DDX60L: variants seen among roughly 807,000 people sequenced by gnomAD.
DDX60L encodes probable ATP-dependent RNA helicase DDX60-like.
DDX60L carries 191 observed loss-of-function variants against 211.6 expected under a neutral mutation model. The ratio of observed to expected loss-of-function variants is 0.90; its 90% CI spans 0.80 to 1.02. The LOEUF is 1.02. DDX60L is among the 50% of genes least tolerant of loss of function. The pLI is 0.00. For missense variants in DDX60L, 2,007 were observed against 1,984.1 expected (o/e 1.01, Z -0.22); for synonymous variants, 706 against 694.1 (o/e 1.02, Z -0.27).
chr4:168,441,658 G>T (rs1350999388), intron 9 of DDX60L, among the ~76,000 whole-genome samples, 166 bp from the exon 10 acceptor site: 2 of 152,066 alleles, frequency 1.3e-5, no homozygotes, highest in African/African-American at 4.8e-5. Flanking sequence ...ATGACACTAT[G>T]ACAGTACTTT....
At position 168,457,886 on chromosome 4, in the gene DDX60L, T is replaced by C. The variant is rs1315707801; in HGVS notation, c.723+6A>G. On this transcript the variant is annotated splice_donor_region_variant and intron_variant, in intron 6 of 37. Coordinates refer to ENST00000682922, the MANE Select transcript of DDX60L (RefSeq NM_001012967.3). ...CTTTTATTTAAAGAAATAAAAATTT[T>C]AATACCTCTTCCATCATATCATTCC... 3.4e-6 allele frequency: 5 copies of C among 1,471,498 alleles called. No individual in the cohort carries two copies. In the African/African-American group the frequency reaches 7.1e-5, roughly 21 times the overall value. 91.2% of individuals were successfully genotyped at this position (1,471,498 alleles called of 1,614,324 possible).
At chr4:168,420,463 TACACACAC>T (rs10598232) in intron 17 of DDX60L, 83 bp from the exon 18 acceptor site, 34,884 of 449,758 alleles carry the variant, frequency 0.078, 337 homozygotes, top group East Asian at 0.098. Context: ...TCCATACACA[TACACACAC>T]ACACACACAC....
chr4:168,371,633 G>C lies in DDX60L; in HGVS notation c.4907C>G (p.Thr1636Arg). 1 of 1,564,256 alleles carries C rather than the reference G, an allele frequency of 6.4e-7. No homozygotes were observed. The change falls in exon 36 of 38, where the codon ACA (threonine) becomes AGA (arginine). Residue 1636 changes from threonine (T) to arginine (R), a missense_variant. Physicochemically the swap from Thr to Arg is moderately conservative, Grantham distance 71 (BLOSUM62 -1). Transcript: ENST00000682922. ...TTACCCATTTTTTTGGTCTAATCTT[G>C]TCAAGCAGTTGTGTTTATAGAAATT... ...VLNFYKHNCL[T>R]RLDQKNGMRM...
intron 24 of DDX60L, among the ~76,000 whole-genome samples, chr4:168,405,062 A>T (rs1272584364): frequency 1.3e-5 from 2 of 151,490 alleles, no homozygotes; most frequent in South Asian, 2.1e-4. Flanking sequence ...AGACTGGAGT[A>T]CAGTGGCATG....
chr4:168,452,485 G>A (rs1183762088), intron 8 of DDX60L, among the ~76,000 whole-genome samples: 1 of 152,180 alleles, frequency 6.6e-6, no homozygotes, highest in Non-Finnish European at 1.5e-5. Flanking sequence ...TCTCCATGAT[G>A]TGATTATTAG....
intron 13 of DDX60L, among the ~76,000 whole-genome samples, chr4:168,427,723 C>T (rs1198190237): frequency 6.6e-6 from 1 of 152,156 alleles, no homozygotes; most frequent in African/African-American, 2.4e-5. Flanking sequence ...AGATCCCACT[C>T]GCTCTTTGGA....
chr4:168,479,070 A>G (rs774011688), intron 1 of DDX60L, among the ~76,000 whole-genome samples: 19 of 152,208 alleles, frequency 1.2e-4, no homozygotes, highest in Admixed American at 8.5e-4. Flanking sequence ...GTATGGATCT[A>G]GAGATAGACA....
rs1453883972 is a variant in DDX60L at position 168,400,997 on chromosome 4, A to G, written c.3339-19T>C. 1 of 1,604,290 alleles carries G rather than the reference A, an allele frequency of 6.2e-7. No individual in the cohort carries two copies. Among genetic ancestry groups the G allele is most frequent in the Admixed American group, 1.7e-5 (1 of 57,976 alleles). On this transcript the variant is annotated intron_variant, in intron 25 of 37. Transcript: ENST00000682922. ...CTTAAACCTTAAAACAAATGAAAACAGTGCTTTGAAAAGACTATGTTTCTA... is the reference window on the plus strand; with the variant it reads ...CTTAAACCTTAAAACAAATGAAAACGGTGCTTTGAAAAGACTATGTTTCTA...
rs1280010317 is a variant in DDX60L at position 168,427,298 on chromosome 4, T to G, written c.1702A>C (p.Lys568Gln). 2 of 1,613,376 alleles carry G rather than the reference T, an allele frequency of 1.2e-6. No homozygotes were observed. The highest frequency in any genetic ancestry group is 1.7e-6 in the Non-Finnish European group (2 of 1,179,766). Residue 568 changes from lysine to glutamine, a missense_variant, in exon 14 of 38, where the codon AAA becomes CAA. Transcript: ENST00000682922. ...AGAAATGACTTTTTCTTACTCTTTT[T>G]GGTAATTTGGTGGGGTTTGGTATTC... ...LQNTKPHQIT[K>Q]KSKKKSFLKE... is the part of the protein sequence containing the mutation.
At chr4:168,459,818 G>GGAAGGAA (rs1561120032) in intron 5 of DDX60L, among the ~76,000 whole-genome samples, 142 of 12,692 alleles carry the variant, frequency 0.011, 1 homozygote, top group African/African-American at 0.022. Context: ...GAAGGAAGGA[G>GGAAGGAA]GGAAGGGAGG....
At chr4:168,371,357 T>C (rs1740976971) in intron 36 of DDX60L, among the ~76,000 whole-genome samples, 1 of 149,370 alleles carries the variant, frequency 6.7e-6, no homozygotes, top group African/African-American at 2.5e-5. Flanking sequence ...TCCCAAATAA[T>C]ACTGGAGTTT....
In DDX60L at chr4:168,373,683, G is replaced by A; in HGVS notation, c.4759C>T (p.Pro1587Ser). 6.2e-7 allele frequency: 1 copy of A among 1,613,706 alleles called. No individual in the cohort carries two copies. Among genetic ancestry groups the A allele is most frequent in the Non-Finnish European group, 8.5e-7 (1 of 1,179,740 alleles). Reference protein sequence around the residue: ...SGNTDNDLLRPETINQVILRT... With the variant: ...SGNTDNDLLRSETINQVILRT... The stretch of plus-strand genomic sequence containing the variant: ...TCACTTACCTGGTTGATAGTCTCTG[G>A]TCGAAGCAAATCATTATCTGTGTTC... Residue 1587 changes from proline to serine, a missense_variant, in exon 35 of 38, where the codon CCA becomes TCA. Coordinates refer to ENST00000682922, the MANE Select transcript of DDX60L (RefSeq NM_001012967.3).
intron 14 of DDX60L, among the ~76,000 whole-genome samples, chr4:168,424,921 A>G (rs1039892777): frequency 5.9e-5 from 9 of 152,304 alleles, no homozygotes; most frequent in African/African-American, 2.2e-4. Context: ...AAATTGGTGG[A>G]ATTTCTGGGA....
chr4:168,434,852 C>T (rs1752828756), intron 10 of DDX60L, among the ~76,000 whole-genome samples: 1 of 152,170 alleles, frequency 6.6e-6, no homozygotes. Flanking sequence ...AACTTAAGCC[C>T]TGTTACAGAC....
intron 10 of DDX60L, among the ~76,000 whole-genome samples, chr4:168,439,942 A>T (rs1307300687): frequency 6.6e-6 from 1 of 152,208 alleles, no homozygotes; most frequent in Non-Finnish European, 1.5e-5. Context: ...AACAGGCAAA[A>T]CTCAGCAGGC....
intron 24 of DDX60L, 86 bp downstream of exon 24, chr4:168,405,854 TAAAAAGATTA>T (rs2149795458): frequency 7.5e-7 from 1 of 1,337,250 alleles, no homozygotes; most frequent in East Asian, 2.7e-5. Context: ...AAAATCGGAA[TAAAAAGATTA>T]CAAAACATTT....
chr4:168,390,532 TA>T, intron 29 of DDX60L: 1 of 1,396,420 alleles, frequency 7.2e-7, no homozygotes, highest in South Asian at 1.6e-5. Context: ...TCACATGATC[TA>T]AATTTGAATA....
At chr4:168,377,039 C>A (rs1173011092) in intron 33 of DDX60L, among the ~76,000 whole-genome samples, 1 of 152,078 alleles carries the variant, frequency 6.6e-6, no homozygotes, top group Non-Finnish European at 1.5e-5. Flanking sequence ...GCCTGTAATC[C>A]CACCACTTTG....
At chr4:168,394,128 G>A (rs983463838) in intron 28 of DDX60L, among the ~76,000 whole-genome samples, 3 of 151,980 alleles carry the variant, frequency 2.0e-5, no homozygotes, top group Non-Finnish European at 2.9e-5. Flanking sequence ...GCTGGGAGGT[G>A]GAGGTTGCAG....
Sources: gnomAD v4.1 joint callset for allele counts (sites outside exome capture counted in the v4.1 genomes callset) on GRCh38, gnomAD v4.1.1 for gene constraint, MANE v1.5 for transcripts, NCBI Gene and HGNC (gene_info 2026-07-23, HGNC 2026-07-21) for gene names.